The following RAD51B variants were observed in gnomAD, a reference collection of about 807,000 sequenced individuals.
RAD51B encodes DNA repair protein RAD51 homolog 2.
RAD51B carries 38 observed loss-of-function variants against 42.2 expected under a neutral mutation model. That is an observed-to-expected ratio of 0.90 (90% confidence interval 0.70 to 1.18). The LOEUF (loss-of-function observed/expected upper bound fraction) is 1.18. RAD51B is among the 50% of genes most tolerant of loss of function. RAD51B has a pLI of 0.00. For missense variants in RAD51B, 373 were observed against 400.7 expected (o/e 0.93, Z 0.59); for synonymous variants, 154 against 145.2 (o/e 1.06, Z -0.43).
chr14:67,932,341 G>T (rs1367339398), intron 7 of RAD51B, among the ~76,000 whole-genome samples: 1 of 152,182 alleles, frequency 6.6e-6, no homozygotes, highest in Non-Finnish European at 1.5e-5. Flanking sequence ...TGTTATCTGT[G>T]ATTTCCTCCA....
intron 3 of RAD51B, among the ~76,000 whole-genome samples, chr14:67,833,804 A>T (rs1390016679): frequency 6.6e-6 from 1 of 152,226 alleles, no homozygotes; most frequent in African/African-American, 2.4e-5. Flanking sequence ...CTGGGTTTAG[A>T]TATAGTTGCT....
At chr14:68,166,307 C>G (rs190667616) in intron 7 of RAD51B, among the ~76,000 whole-genome samples, 13 of 151,574 alleles carry the variant, frequency 8.6e-5, no homozygotes, top group Non-Finnish European at 1.3e-4. Context: ...GGTGCTGTAA[C>G]CAATAGGTAC....
At chr14:68,432,791 A>T (rs12434745) in intron 9 of RAD51B, among the ~76,000 whole-genome samples, 54,160 of 152,006 alleles carry the variant, frequency 0.36, 10,096 homozygotes, top group South Asian at 0.52. Flanking sequence ...TGATCCTGTC[A>T]TTATGTTAGC....
intron 7 of RAD51B, among the ~76,000 whole-genome samples, chr14:67,904,748 A>C (rs1429340121): frequency 6.6e-6 from 1 of 151,682 alleles, no homozygotes; most frequent in African/African-American, 2.4e-5. Context: ...TCCTTTGCCC[A>C]TTTTTAATGG....
chr14:68,276,151 C>T (rs1380528396), intron 7 of RAD51B, among the ~76,000 whole-genome samples: 3 of 152,194 alleles, frequency 2.0e-5, no homozygotes, highest in Admixed American at 6.5e-5. Context: ...TTAATGACTT[C>T]CAGTATTCCA....
chr14:68,659,141 T>C (rs777114696), intron 11 of RAD51B, among the ~76,000 whole-genome samples: 8 of 152,240 alleles, frequency 5.3e-5, no homozygotes, highest in Non-Finnish European at 1.0e-4. Flanking sequence ...CATGCTAATC[T>C]GCACCCCTCC....
chr14:68,392,492 T>C (rs1453960162), intron 8 of RAD51B, among the ~76,000 whole-genome samples: 2 of 152,166 alleles, frequency 1.3e-5, no homozygotes, highest in Non-Finnish European at 2.9e-5. Flanking sequence ...TATAGGACTC[T>C]CTCTCCCATT....
intron 7 of RAD51B, among the ~76,000 whole-genome samples, chr14:68,183,193 G>T (rs2079087949): frequency 1.3e-5 from 2 of 152,154 alleles, no homozygotes; most frequent in African/African-American, 4.8e-5. Context: ...GAGCAAGGAA[G>T]CCAGTCCAAG....
chr14:68,079,542 G>A (rs540392677), intron 7 of RAD51B, among the ~76,000 whole-genome samples: 3 of 152,060 alleles, frequency 2.0e-5, no homozygotes, highest in African/African-American at 4.8e-5. Context: ...ATTAGTTGTA[G>A]TATATAATAT....
At chr14:68,662,158 T>C (rs1176790350) in intron 11 of RAD51B, among the ~76,000 whole-genome samples, 1 of 152,232 alleles carries the variant, frequency 6.6e-6, no homozygotes, top group African/African-American at 2.4e-5. Flanking sequence ...TTCAACACTC[T>C]TCTTCAGTTA....
intron 7 of RAD51B, among the ~76,000 whole-genome samples, chr14:68,086,685 A>G (rs762033660): frequency 2.9e-4 from 44 of 152,218 alleles, no homozygotes; most frequent in African/African-American, 7.2e-4. Context: ...TCCAAAGCAC[A>G]GGGAGAATTA....
intron 11 of RAD51B, among the ~76,000 whole-genome samples, chr14:68,654,663 G>A (rs1380278390): frequency 6.6e-6 from 1 of 152,208 alleles, no homozygotes; most frequent in Non-Finnish European, 1.5e-5. Flanking sequence ...GGTGAGGATC[G>A]TGAGCAGTTG....
At chr14:68,331,154 G>A (rs10136827) in intron 8 of RAD51B, among the ~76,000 whole-genome samples, 22,129 of 151,702 alleles carry the variant, frequency 0.15, 2,400 homozygotes, top group African/African-American at 0.31. Context: ...ATGAGGTCAG[G>A]AGTTCAAGAC....
At chr14:68,168,366 A>G (rs1280617587) in intron 7 of RAD51B, among the ~76,000 whole-genome samples, 1 of 152,142 alleles carries the variant, frequency 6.6e-6, no homozygotes, top group Non-Finnish European at 1.5e-5. Flanking sequence ...GTTTTTGCCC[A>G]TATACATATA....
intron 10 of RAD51B, chr14:68,497,692 C>T: frequency 3.2e-6 from 1 of 308,984 alleles, no homozygotes; most frequent in Non-Finnish European, 5.3e-6. Context: ...CTATTTCCCC[C>T]TCCTCCCAGC....
At chr14:68,481,299 A>G (rs1883161072), downstream of RAD51B, among the ~76,000 whole-genome samples, 1 of 152,080 alleles carries the variant, frequency 6.6e-6, no homozygotes, top group Admixed American at 6.5e-5. Flanking sequence ...AAAATGCTAC[A>G]TTGTTCACAC....
intron 11 of RAD51B, among the ~76,000 whole-genome samples, chr14:68,652,030 C>T (rs74711873): frequency 0.031 from 4,679 of 152,294 alleles, 101 homozygotes; most frequent in Non-Finnish European, 0.05. Context: ...CCATCACTCA[C>T]TCCTGATGGC....
chr14:68,476,654 A>G (rs936952818), intron 10 of RAD51B, among the ~76,000 whole-genome samples: 1 of 152,190 alleles, frequency 6.6e-6, no homozygotes, highest in Non-Finnish European at 1.5e-5. Context: ...CAGGTTATTC[A>G]TAGCTCACAC....
chr14:67,878,169 T>C (rs1014630403), intron 5 of RAD51B, among the ~76,000 whole-genome samples: 2 of 152,158 alleles, frequency 1.3e-5, no homozygotes, highest in Admixed American at 1.3e-4. Flanking sequence ...ACTGCCACAT[T>C]CTCCTCTAGA....
Sources: allele counts gnomAD v4.1 joint callset (sites outside exome capture counted in the v4.1 genomes callset), GRCh38; gene constraint gnomAD v4.1.1; transcripts MANE v1.5; gene names NCBI Gene and HGNC (gene_info 2026-07-23, HGNC 2026-07-21).